Variants in UPF3A observed in about 807,000 individuals in gnomAD.
The protein encoded by UPF3A is regulator of nonsense transcripts 3A.
Under a neutral mutation model 53.5 loss-of-function variants are expected in UPF3A, and 42 were observed. The observed-to-expected ratio is 0.78, with a 90% confidence interval of 0.61 to 1.01. UPF3A has a LOEUF of 1.01. Among genes scored for constraint, UPF3A ranks in the 50% least tolerant of loss-of-function variants. The pLI, the probability that UPF3A is intolerant of heterozygous loss-of-function variation, is 0.00. For synonymous variants in UPF3A, 237 were observed against 225.3 expected, an observed-to-expected ratio of 1.05 and a Z score of -0.47; for missense variants, 575 against 598.0, an observed-to-expected ratio of 0.96 and a Z score of 0.40.
chr13:114,289,426 A>C (rs2085057461), intron 5 of UPF3A, among the ~76,000 whole-genome samples: 1 of 151,416 alleles, frequency 6.6e-6, no homozygotes, highest in Non-Finnish European at 1.5e-5. Flanking sequence ...TGGGAGGCTG[A>C]GGCAGGAGAA....
At chr13:114,295,655 G>T (rs902050678) in intron 7 of UPF3A, among the ~76,000 whole-genome samples, 12 of 152,192 alleles carry the variant, frequency 7.9e-5, no homozygotes, top group Non-Finnish European at 1.3e-4. Flanking sequence ...GCTACCTGAG[G>T]TTATCTTATT....
Position 114,291,486 on chromosome 13 carries a change from T to C in UPF3A, c.632-3T>C. On this transcript the variant is annotated splice_region_variant and splice_polypyrimidine_tract_variant and intron_variant, in intron 5 of 9. Transcript: ENST00000375299. ...ATACAATATTACAATTTTTGTGTTT[T>C]AGCTAGAAGAACCACACCTCTTTTG... The C allele has an allele frequency of 6.2e-7, 1 of 1,603,930 alleles. No homozygotes were observed. Among genetic ancestry groups the C allele is most frequent in the Non-Finnish European group, 8.5e-7 (1 of 1,176,782 alleles).
chr13:114,285,951 G>A (rs1486671594), intron 3 of UPF3A: 4 of 227,874 alleles, frequency 1.8e-5, no homozygotes, highest in African/African-American at 4.6e-5. Flanking sequence ...GTTACATATG[G>A]TAAAAGTCAC....
chr13:114,301,985 A>T lies in UPF3A; in HGVS notation c.1262A>T (p.Asp421Val). ...AGACTGGGAAGAGCGCAGAGGTGTGACGACAGTCCAGCACCCAGAAAAGAG... is the reference window on the plus strand; with the variant it reads ...AGACTGGGAAGAGCGCAGAGGTGTGTCGACAGTCCAGCACCCAGAAAAGAG... ...MERLGRAQRC[D>V]DSPAPRKERL... Residue 421 changes from aspartate (D) to valine (V), a missense_variant, in exon 9 of 10, where the codon GAC becomes GTC. By Grantham distance (152) the Asp-to-Val change is radical (BLOSUM62 -3). Coordinates refer to ENST00000375299, the MANE Select transcript of UPF3A (RefSeq NM_023011.4). 1.3e-6 allele frequency: 2 copies of T among 1,570,726 alleles called. No homozygotes were observed. Among genetic ancestry groups the T allele is most frequent in the Non-Finnish European group, 1.7e-6 (2 of 1,159,226 alleles).
intron 7 of UPF3A, among the ~76,000 whole-genome samples, chr13:114,293,071 CAAA>C (rs1164617444): frequency 1.0e-4 from 5 of 49,590 alleles, no homozygotes; most frequent in Non-Finnish European, 1.2e-4. Flanking sequence ...GACTCCCTCT[CAAA>C]AAAAAAAAAA....
chr13:114,299,932 G>A (rs2086439869), intron 8 of UPF3A, among the ~76,000 whole-genome samples: 1 of 152,242 alleles, frequency 6.6e-6, no homozygotes, highest in Non-Finnish European at 1.5e-5. Context: ...ACTGCCTTTC[G>A]TTCAGAGTTG....
Position 114,286,416 on chromosome 13 carries a change from G to C in UPF3A, c.520+16G>C. ...ATCGAAGATGGTGAGCCCTTTCCAA[G>C]TGCTACGTTATGAAGCTGCCAAATT... On this transcript the variant is annotated intron_variant, in intron 4 of 9. Coordinates refer to ENST00000375299, the MANE Select transcript of UPF3A (RefSeq NM_023011.4). The C allele has an allele frequency of 6.2e-7, 1 of 1,613,236 alleles. No individual in the cohort carries two copies.
chr13:114,281,702 CG>C lies in UPF3A; in HGVS notation c.66del (p.Arg23GlyfsTer7). On this transcript the variant is annotated frameshift_variant, in exon 1 of 10. Coordinates refer to ENST00000375299, the MANE Select transcript of UPF3A (RefSeq NM_023011.4). LOFTEE classifies it high-confidence loss of function. ...CGGCCGTTGCCGCGCGGGGCCCGAGCGGGAGGGAGAAGCTGTCGGCCCTAGA... is the reference window on the plus strand; with the variant it reads ...CGGCCGTTGCCGCGCGGGGCCCGAGCGGAGGGAGAAGCTGTCGGCCCTAGA... The part of the protein sequence containing the change: ...RAAVAARGPS[G>X]REKLSALEVQ... 1 of 1,544,428 alleles carries C rather than the reference CG, an allele frequency of 6.5e-7. No homozygotes were observed. Among genetic ancestry groups the C allele is most frequent in the Non-Finnish European group, 8.7e-7 (1 of 1,145,082 alleles).
chr13:114,282,062 G>C lies in UPF3A; in HGVS notation c.249G>C (p.Gln83His), dbSNP rs2084111241. 1.9e-6 allele frequency: 3 copies of C among 1,580,038 alleles called. No homozygotes were observed. Among genetic ancestry groups the C allele is most frequent in the Non-Finnish European group, 2.6e-6 (3 of 1,164,338 alleles). The stretch of plus-strand genomic sequence containing the variant: ...TGCCTCCGGGCCTCACCAAGGAGCA[G>C]CTGGAGGAGCAGCTGCGCCCGCTGC... ...RRLPPGLTKE[Q>H]LEEQLRPLPA... is the part of the protein sequence containing the mutation. Residue 83 changes from glutamine (Q) to histidine (H), a missense_variant, in exon 2 of 10, where the codon CAG becomes CAC. Around this residue, in one of 2 missense-constraint regions of UPF3A, gnomAD observed 252 missense variants for 182.7 expected, o/e 1.38. Transcript: ENST00000375299.
intron 7 of UPF3A, among the ~76,000 whole-genome samples, chr13:114,296,890 G>T (rs1329486858): frequency 6.6e-6 from 1 of 152,214 alleles, no homozygotes; most frequent in African/African-American, 2.4e-5. Flanking sequence ...GGTGGATGGA[G>T]ATTTGCACTT....
At chr13:114,287,068 T>G (rs2084766640) in intron 5 of UPF3A, 1 of 160,090 alleles carries the variant, frequency 6.2e-6, no homozygotes. Context: ...CAGGCCAACT[T>G]GTGGATAAGC....
chr13:114,294,697 C>T (rs376621860), intron 7 of UPF3A, among the ~76,000 whole-genome samples: 26 of 148,352 alleles, frequency 1.8e-4, no homozygotes, highest in East Asian at 1.4e-3. Flanking sequence ...TGGTGGCACA[C>T]GCCTGTAGTC....
intron 7 of UPF3A, among the ~76,000 whole-genome samples, chr13:114,293,217 C>G (rs1047509431): frequency 4.6e-5 from 7 of 151,132 alleles, no homozygotes; most frequent in African/African-American, 1.7e-4. Flanking sequence ...AACCCCATCT[C>G]TACTAAAAAC....
At position 114,286,584 on chromosome 13, in the gene UPF3A, G is replaced by T; in HGVS notation, c.586G>T (p.Glu196Ter). Residue 196 changes from glutamate to a stop codon, truncating the protein, a stop_gained, in exon 5 of 10, where the codon GAG (glutamate) becomes TAG (stop). Transcript: ENST00000375299. LOFTEE classifies it high-confidence loss of function. The stretch of plus-strand genomic sequence containing the variant: ...GGAAGAGAAGACCAGTGCCAACCCT[G>T]AGACTCTGCTGGGGGAGATGGAGGC... ...VEEEKTSANP[E>*]TLLGEMEAKT... The T allele has an allele frequency of 6.2e-7, 1 of 1,613,986 alleles. No individual in the cohort carries two copies. Among genetic ancestry groups the T allele is most frequent in the Non-Finnish European group, 8.5e-7 (1 of 1,179,926 alleles).
chr13:114,298,471 C>T (rs530157671), intron 7 of UPF3A, among the ~76,000 whole-genome samples: 6 of 152,082 alleles, frequency 3.9e-5, no homozygotes, highest in African/African-American at 9.6e-5. Context: ...ACCTTGGAGG[C>T]GGAGGCTGCA....
At position 114,298,891 on chromosome 13, in the gene UPF3A, G is replaced by T; in HGVS notation, c.898G>T (p.Glu300Ter). Residue 300 changes from glutamate (E) to a stop codon, truncating the protein, a stop_gained, in exon 8 of 10, where the codon GAA becomes TAA. Coordinates refer to ENST00000375299, the MANE Select transcript of UPF3A (RefSeq NM_023011.4). LOFTEE classifies it high-confidence loss of function. ...GEEPTTEKPK[E>*]RGEEIDTGGG... ...GGAACCAACCACAGAGAAACCAAAAGAAAGAGGAGAGGAGATTGATACTGG... is the reference window on the plus strand; with the variant it reads ...GGAACCAACCACAGAGAAACCAAAATAAAGAGGAGAGGAGATTGATACTGG... The T allele has an allele frequency of 6.3e-7, 1 of 1,599,542 alleles. No individual in the cohort carries two copies. Among genetic ancestry groups the T allele is most frequent in the Non-Finnish European group, 8.5e-7 (1 of 1,174,270 alleles).
Position 114,281,796 on chromosome 13 carries a change from G to A in UPF3A, c.157G>A (p.Gly53Arg). 1.3e-6 allele frequency: 2 copies of A among 1,554,604 alleles called. No individual in the cohort carries two copies. Among genetic ancestry groups the A allele is most frequent in the Non-Finnish European group, 1.7e-6 (2 of 1,149,862 alleles). ...GCCGCCAACTTCGTCCTCCGGTTGC[G>A]GGGGCGGTGCGGGCAAACCTCGCGA... ...ETPPTSSSGC[G>R]GGAGKPREEK... is the part of the protein sequence containing the mutation. The change falls in exon 1 of 10, where the codon GGG becomes AGG. Residue 53 changes from glycine to arginine, a missense_variant. By Grantham distance (125) the Gly-to-Arg change is moderately radical. Transcript: ENST00000375299.
chr13:114,298,373 CA>C (rs1010627920), intron 7 of UPF3A, among the ~76,000 whole-genome samples: 12,678 of 114,174 alleles, frequency 0.11, 589 homozygotes, highest in Middle Eastern at 0.17. Flanking sequence ...AACTCCATCT[CA>C]AAAAAAAAAA....
intron 5 of UPF3A, among the ~76,000 whole-genome samples, chr13:114,288,722 T>C (rs2139201095): frequency 6.6e-6 from 1 of 152,054 alleles, no homozygotes; most frequent in Middle Eastern, 3.4e-3. Flanking sequence ...GACAGACGGA[T>C]AGGGTGTGGG....
Sources: allele counts gnomAD v4.1 joint callset (sites outside exome capture counted in the v4.1 genomes callset), GRCh38; gene constraint gnomAD v4.1.1; regional missense constraint gnomAD v4.1.1; transcripts MANE v1.5; gene names NCBI Gene and HGNC (gene_info 2026-07-23, HGNC 2026-07-21).